The following CNTNAP5 variants were observed in gnomAD, a reference collection of about 807,000 sequenced individuals.
CNTNAP5 encodes contactin-associated protein-like 5.
A neutral mutation model predicts 150.2 loss-of-function variants in CNTNAP5; 72 were observed. That is an observed-to-expected ratio of 0.48 (90% confidence interval 0.40 to 0.58). The LOEUF is 0.58. Ranked by LOEUF, CNTNAP5 falls within the 20% of genes least tolerant of loss-of-function variation. The pLI is 0.00. For synonymous variants in CNTNAP5, 672 were observed against 619.8 expected (o/e 1.08, Z -1.25); for missense variants, 1,636 against 1,626.2 (o/e 1.01, Z -0.10).
chr2:124,456,104 C>T (rs578249292), intron 6 of CNTNAP5, among the ~76,000 whole-genome samples: 1 of 152,204 alleles, frequency 6.6e-6, no homozygotes, highest in South Asian at 2.1e-4. Context: ...GCATCCAAAA[C>T]AGTAAAAAGA....
intron 3 of CNTNAP5, among the ~76,000 whole-genome samples, chr2:124,395,392 G>T (rs1045275624): frequency 2.6e-5 from 4 of 152,076 alleles, no homozygotes; most frequent in Admixed American, 6.6e-5. Flanking sequence ...GTAGTTCTCA[G>T]TTTCCTCATT....
At position 124,706,578 on chromosome 2, in the gene CNTNAP5, C is replaced by G. The variant is rs1269294111; in HGVS notation, c.2078-40651C>G. On this transcript the variant is annotated intron_variant, in intron 13 of 23. Coordinates refer to ENST00000682447, the MANE Select transcript of CNTNAP5 (RefSeq NM_001367498.1). ...CTTGGCCAAAGTGGTGAAACCCCAT[C>G]TCTATAAAATATACAAAAATTAGCG... Among the ~76,000 whole-genome samples the G allele has an allele frequency of 2.0e-5, 3 of 151,824 alleles. No individual in the cohort carries two copies. In the East Asian group the frequency reaches 5.9e-4, roughly 30 times the overall value.
At chr2:124,380,401 T>C (rs1690758485) in intron 3 of CNTNAP5, among the ~76,000 whole-genome samples, 1 of 152,148 alleles carries the variant, frequency 6.6e-6, no homozygotes, top group African/African-American at 2.4e-5. Flanking sequence ...GAATTTGTCC[T>C]TGGGGAAATT....
intron 12 of CNTNAP5, among the ~76,000 whole-genome samples, chr2:124,619,108 A>G (rs551128111): frequency 4.0e-4 from 61 of 152,298 alleles, no homozygotes; most frequent in African/African-American, 1.4e-3. Context: ...TCATACCTCC[A>G]TCGGATGATA....
intron 16 of CNTNAP5, among the ~76,000 whole-genome samples, chr2:124,765,969 T>A (rs951471965): frequency 6.7e-6 from 1 of 150,230 alleles, no homozygotes; most frequent in Admixed American, 6.7e-5. Context: ...AAAAAAAAAA[T>A]AGGTTAAAAA....
intron 3 of CNTNAP5, among the ~76,000 whole-genome samples, chr2:124,309,397 G>A (rs1688769556): frequency 6.6e-6 from 1 of 152,104 alleles, no homozygotes; most frequent in Admixed American, 6.6e-5. Flanking sequence ...TAATATTGAG[G>A]GTAAAATTGA....
intron 11 of CNTNAP5, among the ~76,000 whole-genome samples, chr2:124,578,022 G>A (rs552949275): frequency 6.6e-6 from 1 of 151,982 alleles, no homozygotes; most frequent in South Asian, 2.1e-4. Context: ...CCAAGATGCT[G>A]AACATGGCCG....
At chr2:124,461,757 T>G (rs1394905973) in intron 6 of CNTNAP5, among the ~76,000 whole-genome samples, 1 of 151,180 alleles carries the variant, frequency 6.6e-6, no homozygotes, top group Admixed American at 6.6e-5. Context: ...CTCGGGAGGC[T>G]GAGGCAGGAG....
chr2:124,375,950 A>C (rs1690637672), intron 3 of CNTNAP5, among the ~76,000 whole-genome samples: 1 of 152,074 alleles, frequency 6.6e-6, no homozygotes, highest in Non-Finnish European at 1.5e-5. Flanking sequence ...AGTGTCCTCA[A>C]AATGGAACCA....
At chr2:124,108,680 A>T (rs1460395032) in intron 1 of CNTNAP5, among the ~76,000 whole-genome samples, 1 of 152,170 alleles carries the variant, frequency 6.6e-6, no homozygotes, top group Non-Finnish European at 1.5e-5. Flanking sequence ...AGTCACTTAG[A>T]TAATATTATT....
intron 19 of CNTNAP5, among the ~76,000 whole-genome samples, chr2:124,843,338 T>C (rs866597830): frequency 6.6e-6 from 1 of 152,046 alleles, no homozygotes; most frequent in Non-Finnish European, 1.5e-5. Context: ...ATTTTGCTAC[T>C]ATAAACATGC....
chr2:124,633,898 C>T (rs1677918136), intron 12 of CNTNAP5, among the ~76,000 whole-genome samples: 1 of 152,116 alleles, frequency 6.6e-6, no homozygotes, highest in Admixed American at 6.5e-5. Flanking sequence ...ATATCTGGGT[C>T]CCTTTAAGCC....
intron 1 of CNTNAP5, among the ~76,000 whole-genome samples, chr2:124,075,702 A>G (rs1350147760): frequency 2.0e-5 from 3 of 152,106 alleles, no homozygotes; most frequent in African/African-American, 7.2e-5. Context: ...ACACAACTAC[A>G]CATTTTGCTG....
At chr2:124,093,364 A>G (rs1682858335) in intron 1 of CNTNAP5, among the ~76,000 whole-genome samples, 1 of 152,222 alleles carries the variant, frequency 6.6e-6, no homozygotes, top group African/African-American at 2.4e-5. Flanking sequence ...AGACTGGCAC[A>G]TGATCAATTC....
At position 124,823,348 on chromosome 2, in the gene CNTNAP5, C is replaced by T. The variant is rs572596631; in HGVS notation, c.3217+25028C>T. On this transcript the variant is annotated intron_variant, in intron 19 of 23. Coordinates refer to ENST00000682447, the MANE Select transcript of CNTNAP5 (RefSeq NM_001367498.1). ...ATTTACAAACTATCGTGTTGGATGT[C>T]GAGATCTCTTTCTAAAGCCAAACCA... Among the ~76,000 whole-genome samples, 4 of 152,220 alleles carry T rather than the reference C, an allele frequency of 2.6e-5. No individual in the cohort carries two copies. The South Asian group carries it at 8.3e-4, about 32-fold the overall frequency.
intron 17 of CNTNAP5, among the ~76,000 whole-genome samples, chr2:124,776,591 C>T (rs1354148505): frequency 6.6e-6 from 1 of 152,142 alleles, no homozygotes; most frequent in Non-Finnish European, 1.5e-5. Flanking sequence ...AGGTAACTGG[C>T]CTCAGTCTCC....
At chr2:124,568,488 C>A (rs998359885) in intron 11 of CNTNAP5, among the ~76,000 whole-genome samples, 1 of 152,208 alleles carries the variant, frequency 6.6e-6, no homozygotes, top group Non-Finnish European at 1.5e-5. Context: ...CTATAAAGCA[C>A]TTTCCCCTAG....
chr2:124,875,996 C>T (rs10165137), intron 21 of CNTNAP5, among the ~76,000 whole-genome samples: 10,341 of 152,108 alleles, frequency 0.068, 1,129 homozygotes, highest in African/African-American at 0.23. Flanking sequence ...TATTATGATT[C>T]GGGTTTTTCC....
intron 3 of CNTNAP5, among the ~76,000 whole-genome samples, chr2:124,276,582 C>A (rs1007524779): frequency 5.9e-5 from 9 of 152,228 alleles, no homozygotes; most frequent in African/African-American, 1.9e-4. Context: ...CCCAACCTTT[C>A]AAACTTCCAA....
Sources: allele counts gnomAD v4.1 joint callset (sites outside exome capture counted in the v4.1 genomes callset), GRCh38; gene constraint gnomAD v4.1.1; transcripts MANE v1.5; gene names NCBI Gene and HGNC (gene_info 2026-07-23, HGNC 2026-07-21).